Variants in PCDHA10 observed in about 807,000 individuals in gnomAD.
PCDHA10 encodes the protein protocadherin alpha-10.
PCDHA10 carries 45 observed loss-of-function variants against 61.2 expected under a neutral mutation model. That is an observed-to-expected ratio of 0.74 (90% CI 0.58 to 0.94). The LOEUF is 0.94. Ranked by LOEUF, PCDHA10 falls within the 40% of genes least tolerant of loss-of-function variation. PCDHA10 has a pLI of 0.00. For synonymous variants in PCDHA10, 602 were observed against 548.8 expected (o/e 1.10, Z -1.35); for missense variants, 1,278 against 1,236.2 (o/e 1.03, Z -0.51).
chr5:140,941,198 T>TC (rs1563184066), intron 1 of PCDHA10, among the ~76,000 whole-genome samples: 3 of 119,812 alleles, frequency 2.5e-5, no homozygotes, highest in African/African-American at 1.0e-4. Flanking sequence ...TTTTTTTCTT[T>TC]CTTCCTTTCT....
At chr5:141,009,529 T>G in intron 3 of PCDHA10, 98 bp from the exon 4 acceptor site, 1 of 1,505,630 alleles carries the variant, frequency 6.6e-7, no homozygotes, top group Non-Finnish European at 8.9e-7. Context: ...TCTGGGGAGG[T>G]TCAGCCTGCC....
At chr5:140,858,515 C>A in intron 1 of PCDHA10, 79 bp downstream of exon 1, 1 of 1,416,092 alleles carries the variant, frequency 7.1e-7, no homozygotes, top group South Asian at 1.2e-5. Context: ...AAATATGTAT[C>A]AGAATATTTC....
intron 1 of PCDHA10, chr5:140,927,469 C>T (rs17844359): frequency 6.2e-7 from 1 of 1,614,082 alleles, no homozygotes; most frequent in Non-Finnish European, 8.5e-7. Context: ...AGCACTGGAT[C>T]GCGAACAGCG....
In PCDHA10 at chr5:140,883,892, G is replaced by C; in HGVS notation, c.2388+25456G>C. ...CCAGGTGAGCGCGCGCGACTCTGGC[G>C]TGCCGCCTCTGGGCAGCAACGTGAC... On this transcript the variant is annotated intron_variant, in intron 1 of 3. Transcript: ENST00000307360. 4 of 1,613,362 alleles carry C rather than the reference G, an allele frequency of 2.5e-6. No homozygotes were observed. The South Asian group carries it at 4.4e-5, about 18-fold the overall frequency.
At chr5:140,965,371 T>C (rs1195667342) in intron 1 of PCDHA10, among the ~76,000 whole-genome samples, 9 of 152,124 alleles carry the variant, frequency 5.9e-5, no homozygotes, top group African/African-American at 1.2e-4. Flanking sequence ...AAGAGGAAAC[T>C]TGGGGACACA....
intron 3 of PCDHA10, among the ~76,000 whole-genome samples, chr5:140,996,144 T>C (rs2097714056): frequency 6.6e-6 from 1 of 152,210 alleles, no homozygotes; most frequent in African/African-American, 2.4e-5. Context: ...TCCCATTATC[T>C]TGCCTTCCTT....
Position 140,857,283 on chromosome 5 carries a change from T to C in PCDHA10, c.1235T>C (p.Leu412Pro). ...NYYSLVLDSA[L>P]DRERVSAYEL... is the part of the protein sequence containing the mutation. The stretch of plus-strand genomic sequence containing the variant: ...TACTCATTGGTGCTGGACAGCGCTC[T>C]GGACCGCGAGAGGGTGTCGGCCTAT... The change falls in exon 1 of 4, where the codon CTG (leucine) becomes CCG (proline). Residue 412 changes from leucine (L) to proline (P), a missense_variant. Coordinates refer to ENST00000307360, the MANE Select transcript of PCDHA10 (RefSeq NM_018901.4). The C allele has an allele frequency of 6.3e-7, 1 of 1,598,740 alleles. No homozygotes were observed. Among genetic ancestry groups the C allele is most frequent in the Non-Finnish European group, 8.6e-7 (1 of 1,168,034 alleles).
intron 1 of PCDHA10, chr5:140,969,505 A>G (rs973647679): frequency 1.4e-6 from 2 of 1,428,552 alleles, no homozygotes; most frequent in South Asian, 3.0e-5. Context: ...CTAGAAAAAT[A>G]GCACTAAAGA....
chr5:140,866,951 G>A (rs1207354253), intron 1 of PCDHA10: 1 of 152,106 alleles, frequency 6.6e-6, no homozygotes, highest in African/African-American at 2.4e-5. Context: ...CTAGGGGCTG[G>A]TTGAGATGGT....
intron 1 of PCDHA10, chr5:140,870,380 C>T (rs373356425): frequency 1.3e-5 from 21 of 1,614,064 alleles, no homozygotes; most frequent in East Asian, 2.2e-5. Flanking sequence ...GTGGTGACTG[C>T]GCGGGATGGG....
intron 1 of PCDHA10, chr5:140,863,342 T>G: frequency 7.5e-7 from 1 of 1,338,916 alleles, no homozygotes; most frequent in Non-Finnish European, 1.0e-6. Flanking sequence ...ACGTTGCTGC[T>G]GTACACGACG....
chr5:140,989,653 T>A (rs1308581336), intron 3 of PCDHA10, among the ~76,000 whole-genome samples: 2 of 152,194 alleles, frequency 1.3e-5, no homozygotes, highest in African/African-American at 4.8e-5. Context: ...ATGGCAATAT[T>A]TTAAAAGAAA....
intron 1 of PCDHA10, among the ~76,000 whole-genome samples, chr5:140,970,867 G>A (rs1207924606): frequency 6.6e-6 from 1 of 152,124 alleles, no homozygotes; most frequent in Non-Finnish European, 1.5e-5. Flanking sequence ...ATTCCTGATT[G>A]AGAGTAGATT....
chr5:140,917,585 T>C (rs1204000344), intron 1 of PCDHA10, among the ~76,000 whole-genome samples: 1 of 152,244 alleles, frequency 6.6e-6, no homozygotes, highest in Non-Finnish European at 1.5e-5. Context: ...TTTTTGTTCA[T>C]GCTGAAAGGA....
At chr5:140,922,839 C>T (rs2081023123) in intron 1 of PCDHA10, among the ~76,000 whole-genome samples, 1 of 152,140 alleles carries the variant, frequency 6.6e-6, no homozygotes, top group South Asian at 2.1e-4. Context: ...TAGATGTCCT[C>T]AAAGAGACCA....
intron 1 of PCDHA10, among the ~76,000 whole-genome samples, chr5:140,953,431 G>A (rs782512202): frequency 6.6e-5 from 10 of 152,088 alleles, no homozygotes; most frequent in Non-Finnish European, 1.2e-4. Flanking sequence ...TTGTCCTTAA[G>A]CTGGAGAAAC....
At chr5:140,869,843 A>C in intron 1 of PCDHA10, 1 of 1,611,638 alleles carries the variant, frequency 6.2e-7, no homozygotes, top group East Asian at 2.2e-5. Context: ...AAATCAGAAT[A>C]TAAGGTGAGC....
intron 1 of PCDHA10, among the ~76,000 whole-genome samples, chr5:140,920,232 A>C (rs1463016764): frequency 6.6e-6 from 1 of 152,232 alleles, no homozygotes; most frequent in African/African-American, 2.4e-5. Flanking sequence ...ATAGTATTAT[A>C]TACCCAACAA....
At chr5:140,898,100 G>C (rs1273803096) in intron 1 of PCDHA10, among the ~76,000 whole-genome samples, 2 of 152,132 alleles carry the variant, frequency 1.3e-5, no homozygotes, top group African/African-American at 4.8e-5. Flanking sequence ...CCCTTTGTCA[G>C]ATGAGTAGGT....
Sources: allele counts gnomAD v4.1 joint callset (sites outside exome capture counted in the v4.1 genomes callset), GRCh38; gene constraint gnomAD v4.1.1; transcripts MANE v1.5; gene names NCBI Gene and HGNC (gene_info 2026-07-23, HGNC 2026-07-21).